The following PGR variants were observed in gnomAD, a reference collection of about 807,000 sequenced individuals.
PGR encodes the protein nuclear receptor subfamily 3 group C member 3.
PGR carries 25 observed loss-of-function variants against 76.1 expected under a neutral mutation model. That is an observed-to-expected ratio of 0.33 (90% confidence interval 0.24 to 0.46). The LOEUF (loss-of-function observed/expected upper bound fraction) is 0.46. Among genes scored for constraint, PGR ranks in the 20% least tolerant of loss-of-function variants. PGR has a pLI of 1.00. For missense variants in PGR, 1,172 were observed against 1,225.3 expected, an observed-to-expected ratio of 0.96 and a Z score of 0.65; for synonymous variants, 579 against 535.0, an observed-to-expected ratio of 1.08 and a Z score of -1.14.
chr11:101,034,854 T>C lies in PGR; in HGVS notation c.*4262A>G, dbSNP rs1472382864. On this transcript the variant is annotated 3_prime_UTR_variant, in exon 8 of 8. Coordinates refer to ENST00000325455, the MANE Select transcript of PGR (RefSeq NM_000926.4). ...TCAATTTTGTATTTAGTAAGGACCA[T>C]AGAGTGTGGAATAATGGTACATTAA... 15 of 180,176 alleles carry C rather than the reference T, an allele frequency of 8.3e-5. No individual in the cohort carries two copies. The highest frequency in any genetic ancestry group is 4.7e-5 in the Non-Finnish European group (4 of 84,306). 11.2% of individuals were successfully genotyped at this position (180,176 alleles called of 1,614,324 possible).
chr11:101,127,607 G>A lies in PGR; in HGVS notation c.1464C>T (p.Cys488=), dbSNP rs1340739999. 1.5e-6 allele frequency: 2 copies of A among 1,303,234 alleles called. No homozygotes were observed. The highest frequency in any genetic ancestry group is 1.9e-6 in the Non-Finnish European group (2 of 1,035,154). The allele number at this position is 1,303,234 out of a possible 1,614,324, so 80.7% of individuals were successfully genotyped here. A position where few individuals can be genotyped will look rare whatever the true frequency, so the allele number is the denominator to read the frequency against. ...AGGGCAGGCCGTCCCGCGGGAGCAG[G>A]CAGCCGCTCGCGCCCGGCGCCTTGC... is the stretch of plus-strand genomic sequence containing the variant. ...PPCKAPGASG[C]LLPRDGLPST... is the part of the protein sequence containing the mutation. Residue 488 remains cysteine, a synonymous_variant, in exon 1 of 8, where the codon TGC becomes TGT. Coordinates refer to ENST00000325455, the MANE Select transcript of PGR (RefSeq NM_000926.4).
At chr11:101,077,197 C>G (rs923873424) in intron 3 of PGR, among the ~76,000 whole-genome samples, 5 of 151,948 alleles carry the variant, frequency 3.3e-5, no homozygotes, top group African/African-American at 1.2e-4. Flanking sequence ...CTTACACTAC[C>G]TATATAAAAT....
intron 2 of PGR, among the ~76,000 whole-genome samples, chr11:101,111,651 C>G (rs1456195352): frequency 1.3e-5 from 2 of 152,136 alleles, no homozygotes; most frequent in Admixed American, 6.6e-5. Context: ...AACCAGTACC[C>G]AGGTGATTCT....
chr11:101,049,844 A>T (rs526487), intron 6 of PGR, 85 bp downstream of exon 6: 262,885 of 1,080,746 alleles, frequency 0.24, 33,286 homozygotes, highest in African/African-American at 0.35. Flanking sequence ...TACCTCATAC[A>T]TAACTATATA....
At chr11:101,107,686 G>T (rs1862208120) in intron 2 of PGR, among the ~76,000 whole-genome samples, 1 of 152,016 alleles carries the variant, frequency 6.6e-6, no homozygotes, top group Non-Finnish European at 1.5e-5. Flanking sequence ...CATGCAAATG[G>T]TTAATTCCTT....
chr11:101,090,306 T>C (rs1225735374), intron 3 of PGR, among the ~76,000 whole-genome samples: 1 of 152,202 alleles, frequency 6.6e-6, no homozygotes, highest in East Asian at 1.9e-4. Flanking sequence ...AACTCCGCCA[T>C]TTTCATTCTT....
chr11:101,067,947 T>A (rs1231344935), intron 3 of PGR, among the ~76,000 whole-genome samples: 2 of 151,966 alleles, frequency 1.3e-5, no homozygotes, highest in Non-Finnish European at 2.9e-5. Flanking sequence ...CAGAATAATA[T>A]AAGAAAATGA....
chr11:101,051,571 A>G lies in PGR; in HGVS notation c.2213-3T>C, dbSNP rs777661789. On this transcript the variant is annotated splice_region_variant and splice_polypyrimidine_tract_variant and intron_variant, in intron 4 of 7. Transcript: ENST00000325455. ...ATCAATATGTAAGTTTCGAAAACCT[A>G]CAAAACAAATTTAAAAATACAGTGA... 1.3e-6 allele frequency: 2 copies of G among 1,597,122 alleles called. No homozygotes were observed. Among genetic ancestry groups the G allele is most frequent in the Non-Finnish European group, 1.7e-6 (2 of 1,165,274 alleles).
rs530583715 is a variant in PGR, at chr11:101,046,459, A to G, written c.2488+3470T>C. On this transcript the variant is annotated intron_variant, in intron 6 of 7. Coordinates refer to ENST00000325455, the MANE Select transcript of PGR (RefSeq NM_000926.4). ...CCGACTACATCTGGCCTTTAGTGTA[A>G]TTTTGGAGAGAACAATGTAAAAATG... Among the ~76,000 whole-genome samples the G allele has an allele frequency of 1.1e-4, 16 of 151,460 alleles. No homozygotes were observed. The South Asian group carries it at 2.9e-3, about 28-fold the overall frequency.
chr11:101,076,919 A>ATTTTTTT (rs59106149), intron 3 of PGR, among the ~76,000 whole-genome samples: 1 of 65,156 alleles, frequency 1.5e-5, no homozygotes, highest in African/African-American at 5.8e-5. Context: ...TACAAATGGA[A>ATTTTTTT]TTTTTTTTTT....
intron 4 of PGR, among the ~76,000 whole-genome samples, chr11:101,055,745 A>G (rs1405403253): frequency 6.6e-6 from 1 of 152,164 alleles, no homozygotes; most frequent in African/African-American, 2.4e-5. Context: ...TTACATGTTT[A>G]CATTCACTTT....
In PGR at chr11:101,033,568, T is replaced by A. The variant is rs1196898762; in HGVS notation, c.*5548A>T. On this transcript the variant is annotated 3_prime_UTR_variant, in exon 8 of 8. Coordinates refer to ENST00000325455, the MANE Select transcript of PGR (RefSeq NM_000926.4). The stretch of plus-strand genomic sequence containing the variant: ...AAATCTGTGTGGATATAATTGTTAT[T>A]CATGCTGCTCAGCAGCTTTCATTGA... 1.0e-5 allele frequency: 2 copies of A among 195,256 alleles called. No individual in the cohort carries two copies. The highest frequency in any genetic ancestry group is 1.6e-4 in the East Asian group (2 of 12,382). 12.1% of individuals were successfully genotyped at this position (195,256 alleles called of 1,614,324 possible).
At chr11:101,104,215 T>C (rs1862079246) in intron 2 of PGR, among the ~76,000 whole-genome samples, 1 of 152,242 alleles carries the variant, frequency 6.6e-6, no homozygotes, top group South Asian at 2.1e-4. Flanking sequence ...CCTTGTTTTT[T>C]AGTTTCTTCT....
In PGR at chr11:101,127,849, C is replaced by T. The variant is rs1340483395; in HGVS notation, c.1222G>A (p.Gly408Ser). ...TCCGGGAAGGCTGCGGGGTTGGCACCGGCCACAAGGTAGGAACGCGGGGAG... is the reference window on the plus strand; with the variant it reads ...TCCGGGAAGGCTGCGGGGTTGGCACTGGCCACAAGGTAGGAACGCGGGGAG... Reference protein sequence around the residue: ...ARSPRSYLVAGANPAAFPDFP... With the variant: ...ARSPRSYLVASANPAAFPDFP... The change falls in exon 1 of 8, where the codon GGT (glycine) becomes AGT (serine). Residue 408 changes from glycine (G) to serine (S), a missense_variant. Physicochemically the swap from Gly to Ser is moderately conservative, Grantham distance 56. This residue lies in a region of PGR where 893 missense variants were observed against 785.9 expected (regional missense o/e 1.14). Coordinates refer to ENST00000325455, the MANE Select transcript of PGR (RefSeq NM_000926.4). 2 of 1,590,584 alleles carry T rather than the reference C, an allele frequency of 1.3e-6. No homozygotes were observed. The highest frequency in any genetic ancestry group is 1.7e-5 in the Admixed American group (1 of 57,616).
chr11:101,090,988 A>G (rs748336172), intron 3 of PGR, among the ~76,000 whole-genome samples: 7 of 152,224 alleles, frequency 4.6e-5, no homozygotes, highest in Non-Finnish European at 8.8e-5. Flanking sequence ...TTTAACAATT[A>G]TGTAATATTT....
At chr11:101,090,403 C>T (rs1861642140) in intron 3 of PGR, among the ~76,000 whole-genome samples, 1 of 152,182 alleles carries the variant, frequency 6.6e-6, no homozygotes, top group African/African-American at 2.4e-5. Flanking sequence ...GCATTAGATG[C>T]TCTGCTACTT....
intron 4 of PGR, among the ~76,000 whole-genome samples, chr11:101,056,780 T>A (rs519792): frequency 0.71 from 108,091 of 152,052 alleles, 39,305 homozygotes; most frequent in East Asian, 1. Flanking sequence ...TCTACAACAA[T>A]GGCAGAGCAT....
In PGR at chr11:101,038,189, TTTC is replaced by T. The variant is rs1489425695; in HGVS notation, c.*924_*926del. On this transcript the variant is annotated 3_prime_UTR_variant, in exon 8 of 8. Transcript: ENST00000325455. ...GATACCTCCCTCCTCCTCCTCTCCC[TTTC>T]TTCTTTCCTTTGATTTGAAAAGATG... 1 of 191,648 alleles carries T rather than the reference TTTC, an allele frequency of 5.2e-6. No homozygotes were observed. The highest frequency in any genetic ancestry group is 1.1e-5 in the Non-Finnish European group (1 of 91,654). 11.9% of individuals were successfully genotyped at this position (191,648 alleles called of 1,614,324 possible). A position where few individuals can be genotyped will look rare whatever the true frequency, so the allele number is the denominator to read the frequency against.
intron 3 of PGR, among the ~76,000 whole-genome samples, chr11:101,068,466 A>G (rs1319307657): frequency 2.0e-5 from 3 of 152,258 alleles, no homozygotes; most frequent in African/African-American, 7.2e-5. Flanking sequence ...AGATCCAATA[A>G]TAGCTCCATC....
Sources: allele counts gnomAD v4.1 joint callset (sites outside exome capture counted in the v4.1 genomes callset), GRCh38; gene constraint gnomAD v4.1.1; regional missense constraint gnomAD v4.1.1; transcripts MANE v1.5; gene names NCBI Gene and HGNC (gene_info 2026-07-23, HGNC 2026-07-21).